Variants in CDH11 observed in about 807,000 individuals in gnomAD.
CDH11 encodes the protein cadherin 11, also known as cadherin-11.
Under a neutral mutation model 67.8 loss-of-function variants are expected in CDH11, and 11 were observed. The ratio of observed to expected loss-of-function variants is 0.16; its 90% confidence interval spans 0.10 to 0.27. The LOEUF (loss-of-function observed/expected upper bound fraction) is 0.27, where lower values mean the gene tolerates loss of function less well. Among genes scored for constraint, CDH11 ranks in the 10% least tolerant of loss-of-function variants. The probability of loss-of-function intolerance (pLI) is 1.00; values close to 1 mark genes in which losing one functional copy is unlikely to be tolerated. For missense variants in CDH11, 847 were observed against 1,031.2 expected (o/e 0.82, Z 2.45); for synonymous variants, 419 against 400.0 (o/e 1.05, Z -0.57).
Position 65,121,943 on chromosome 16 carries a change from C to A in CDH11, c.-361G>T, listed in dbSNP as rs1451707090. 1 of 701,842 alleles carries A rather than the reference C, an allele frequency of 1.4e-6. No homozygotes were observed. Among genetic ancestry groups the A allele is most frequent in the Non-Finnish European group, 2.6e-6 (1 of 384,590 alleles). 43.5% of individuals were successfully genotyped at this position (701,842 alleles called of 1,614,324 possible). ...AGTCCCTGGCGCAGGGCAAGCGCTG[C>A]GGTGTCAGTCCCGGCCCCAGTCCCG... On this transcript the variant is annotated 5_prime_UTR_variant, in exon 1 of 13. Coordinates refer to ENST00000268603, the MANE Select transcript of CDH11 (RefSeq NM_001797.4). The surrounding 1 kb of genome is among the most constrained non-coding windows in gnomAD (Gnocchi z 4.1).
At chr16:65,021,352 A>G (rs1440692342) in intron 2 of CDH11, among the ~76,000 whole-genome samples, 1 of 152,168 alleles carries the variant, frequency 6.6e-6, no homozygotes, top group Non-Finnish European at 1.5e-5. Flanking sequence ...TTTTCCCAGA[A>G]TGGGGTCTCT....
At chr16:65,031,344 G>A (rs944604990) in intron 2 of CDH11, among the ~76,000 whole-genome samples, 1 of 152,030 alleles carries the variant, frequency 6.6e-6, no homozygotes, top group African/African-American at 2.4e-5. Flanking sequence ...GTGTTGGCTT[G>A]GTGGGAGGTA....
At chr16:65,106,501 T>C (rs1214154439) in intron 1 of CDH11, among the ~76,000 whole-genome samples, 4 of 152,168 alleles carry the variant, frequency 2.6e-5, no homozygotes, top group Non-Finnish European at 4.4e-5. Flanking sequence ...TCGGTGTAGA[T>C]TATTCTTTAT....
intron 1 of CDH11, among the ~76,000 whole-genome samples, chr16:65,108,311 G>A (rs982842555): frequency 1.3e-5 from 2 of 152,156 alleles, no homozygotes; most frequent in South Asian, 2.1e-4. Context: ...AATGATTGCA[G>A]CAGGAATGGT....
chr16:65,096,406 G>GGTGT lies in CDH11; in HGVS notation c.-298+25470_-298+25473dup, dbSNP rs377132363. Among the ~76,000 whole-genome samples, 133 of 134,028 alleles carry GGTGT rather than the reference G, an allele frequency of 9.9e-4. 2 individuals carry two copies. Among genetic ancestry groups the GGTGT allele is most frequent in the African/African-American group, 2.3e-3 (82 of 35,746 alleles). The allele number at this position is 134,028 out of a possible 152,430, so 87.9% of individuals were successfully genotyped here. On this transcript the variant is annotated intron_variant, in intron 1 of 12. Coordinates refer to ENST00000268603, the MANE Select transcript of CDH11 (RefSeq NM_001797.4). ...CAATCTCTTACCATAAATCTTTCGG[G>GGTGT]GTGTGTGTGTGTGTGTGTGTGTGTG...
At chr16:65,069,618 C>A (rs1009993091) in intron 1 of CDH11, among the ~76,000 whole-genome samples, 7 of 152,142 alleles carry the variant, frequency 4.6e-5, no homozygotes, top group Admixed American at 2.6e-4. Flanking sequence ...AAGAACAAGC[C>A]AATTTATTCC....
chr16:65,021,876 GA>G (rs35700448), intron 2 of CDH11, among the ~76,000 whole-genome samples: 2,686 of 109,830 alleles, frequency 0.024, 35 homozygotes, highest in African/African-American at 0.053. Flanking sequence ...AAGTAACTCA[GA>G]AAAAAAAAAA....
chr16:65,022,060 A>G (rs981608084), intron 2 of CDH11, among the ~76,000 whole-genome samples: 39 of 152,128 alleles, frequency 2.6e-4, no homozygotes, highest in African/African-American at 9.4e-4. Context: ...ACTAAGCTAC[A>G]GTATGAGGCA....
chr16:65,031,431 CAG>C (rs1040424618), intron 2 of CDH11, among the ~76,000 whole-genome samples: 27 of 152,080 alleles, frequency 1.8e-4, no homozygotes, highest in African/African-American at 6.3e-4. Flanking sequence ...GATAATTCAG[CAG>C]AGTCACATAA....
At chr16:64,971,412 C>T (rs1246650795) in intron 11 of CDH11, among the ~76,000 whole-genome samples, 167 bp downstream of exon 11, 1 of 152,178 alleles carries the variant, frequency 6.6e-6, no homozygotes, top group African/African-American at 2.4e-5. Flanking sequence ...TATTCGCATG[C>T]ATCAAATGAG....
intron 2 of CDH11, among the ~76,000 whole-genome samples, chr16:65,025,763 A>C (rs571165215): frequency 6.6e-6 from 1 of 152,304 alleles, no homozygotes; most frequent in Non-Finnish European, 1.5e-5. Flanking sequence ...TGGATATAAA[A>C]TCTGCCAGAT....
At chr16:65,080,221 C>T (rs1342521023) in intron 1 of CDH11, among the ~76,000 whole-genome samples, 1 of 151,462 alleles carries the variant, frequency 6.6e-6, no homozygotes, top group Non-Finnish European at 1.5e-5. Context: ...ACTATACAAC[C>T]ATTCAACCCC....
At chr16:65,021,958 A>G (rs1597102445) in intron 2 of CDH11, among the ~76,000 whole-genome samples, 1 of 152,090 alleles carries the variant, frequency 6.6e-6, no homozygotes, top group East Asian at 1.9e-4. Context: ...AGTAAATGGC[A>G]AAAGTCCCAT....
intron 1 of CDH11, among the ~76,000 whole-genome samples, chr16:65,061,854 C>T (rs1379059581): frequency 6.6e-6 from 1 of 152,142 alleles, no homozygotes; most frequent in Non-Finnish European, 1.5e-5. Context: ...GGGCTAAGTA[C>T]CTTTCTACAA....
At chr16:65,039,768 C>T (rs2073828015) in intron 2 of CDH11, among the ~76,000 whole-genome samples, 1 of 152,100 alleles carries the variant, frequency 6.6e-6, no homozygotes, top group Non-Finnish European at 1.5e-5. Flanking sequence ...TCAGAGTGAA[C>T]AGGCAACCTA....
intron 2 of CDH11, among the ~76,000 whole-genome samples, chr16:65,042,880 T>C (rs567337328): frequency 6.6e-6 from 1 of 152,280 alleles, no homozygotes; most frequent in African/African-American, 2.4e-5. Flanking sequence ...CCTAAGTTCC[T>C]TGTAGCCCCA....
At chr16:65,093,915 T>G (rs1289653353) in intron 1 of CDH11, among the ~76,000 whole-genome samples, 1 of 152,166 alleles carries the variant, frequency 6.6e-6, no homozygotes, top group Non-Finnish European at 1.5e-5. Context: ...GGATGAATAT[T>G]AGAACCAACT....
intron 2 of CDH11, among the ~76,000 whole-genome samples, chr16:65,006,076 T>A (rs1358958144): frequency 7.4e-6 from 1 of 135,754 alleles, no homozygotes; most frequent in Non-Finnish European, 1.7e-5. Flanking sequence ...TGAAAACTTA[T>A]TCTTCTCTAA....
At chr16:65,122,853 G>T (rs1049123147), upstream of CDH11, among the ~76,000 whole-genome samples, 7 of 152,194 alleles carry the variant, frequency 4.6e-5, no homozygotes, top group African/African-American at 1.7e-4. Flanking sequence ...TTTTGGGAGG[G>T]TGCCTTGGCC....
Sources: allele counts gnomAD v4.1 joint callset (sites outside exome capture counted in the v4.1 genomes callset), GRCh38; gene constraint gnomAD v4.1.1; non-coding constraint Gnocchi (gnomAD v3.1); transcripts MANE v1.5; gene names NCBI Gene and HGNC (gene_info 2026-07-23, HGNC 2026-07-21).